The following DYNC1I1 variants were observed in gnomAD, a reference collection of about 807,000 sequenced individuals.
DYNC1I1 encodes the protein cytoplasmic dynein 1 intermediate chain 1.
In DYNC1I1, 43 loss-of-function variants were observed where a neutral mutation model predicts 86.6. The ratio of observed to expected loss-of-function variants is 0.50; its 90% confidence interval spans 0.39 to 0.64. The LOEUF is 0.64. DYNC1I1 is among the 30% of genes least tolerant of loss of function. The probability of loss-of-function intolerance (pLI) is 0.00; values close to 1 mark genes in which losing one functional copy is unlikely to be tolerated. For synonymous variants in DYNC1I1, 262 were observed against 283.7 expected (o/e 0.92, Z 0.77); for missense variants, 604 against 788.8 (o/e 0.77, Z 2.81).
At chr7:95,971,681 T>G (rs1431569108) in intron 6 of DYNC1I1, among the ~76,000 whole-genome samples, 1 of 152,192 alleles carries the variant, frequency 6.6e-6, no homozygotes, top group Non-Finnish European at 1.5e-5. Context: ...CATTCACAAT[T>G]TTCACATTAA....
chr7:95,814,070 C>T (rs1284116829), intron 4 of DYNC1I1, among the ~76,000 whole-genome samples: 2 of 152,120 alleles, frequency 1.3e-5, no homozygotes, highest in Admixed American at 1.3e-4. Flanking sequence ...CACCAGTGTT[C>T]CCACATGCCG....
intron 2 of DYNC1I1, among the ~76,000 whole-genome samples, chr7:95,806,388 T>G (rs548996992): frequency 6.6e-6 from 1 of 152,204 alleles, no homozygotes; most frequent in African/African-American, 2.4e-5. Flanking sequence ...CAAACTAGAC[T>G]GATGGAAGCA....
intron 14 of DYNC1I1, among the ~76,000 whole-genome samples, chr7:96,052,602 G>A (rs1350803451): frequency 6.6e-6 from 1 of 152,186 alleles, no homozygotes; most frequent in East Asian, 1.9e-4. Flanking sequence ...GAATATTAAA[G>A]ATGTAGCAAT....
rs1789840922 is a variant in DYNC1I1 at position 96,063,138 on chromosome 7, TGTG to T, written c.1510-12918_1510-12916del. ...GTGTGTGTGTGTGTGTGTGTATGTG[TGTG>T]TTTTCTTTCATTACAGGCAGCCTGC... On this transcript the variant is annotated intron_variant, in intron 14 of 16. Coordinates refer to ENST00000447467, the MANE Select transcript of DYNC1I1 (RefSeq NM_001135556.2). Among the ~76,000 whole-genome samples the T allele has an allele frequency of 2.0e-5, 3 of 151,520 alleles. No individual in the cohort carries two copies. The South Asian group carries it at 6.2e-4, about 32-fold the overall frequency.
chr7:95,897,688 G>C (rs1790921183), intron 6 of DYNC1I1, among the ~76,000 whole-genome samples: 1 of 151,172 alleles, frequency 6.6e-6, no homozygotes, highest in African/African-American at 2.4e-5. Flanking sequence ...CAGTATATTT[G>C]TATGTGCTCA....
intron 6 of DYNC1I1, among the ~76,000 whole-genome samples, chr7:95,969,461 G>C (rs577636556): frequency 6.6e-6 from 1 of 152,208 alleles, no homozygotes; most frequent in South Asian, 2.1e-4. Flanking sequence ...TGGAAACACC[G>C]ATCAGTCAAG....
intron 6 of DYNC1I1, among the ~76,000 whole-genome samples, chr7:95,907,303 A>C (rs544172019): frequency 2.0e-5 from 3 of 152,180 alleles, no homozygotes; most frequent in Admixed American, 6.6e-5. Flanking sequence ...AAAATGAGTT[A>C]AGGTCACACA....
intron 4 of DYNC1I1, among the ~76,000 whole-genome samples, chr7:95,818,278 T>C (rs571617473): frequency 2.4e-3 from 363 of 151,716 alleles, no homozygotes; most frequent in Admixed American, 3.9e-3. Flanking sequence ...TCAAGACATT[T>C]AAGCCCTCCT....
intron 6 of DYNC1I1, among the ~76,000 whole-genome samples, chr7:95,921,101 T>C (rs1791599141): frequency 6.6e-6 from 1 of 152,216 alleles, no homozygotes; most frequent in African/African-American, 2.4e-5. Flanking sequence ...AAGATTGTTA[T>C]AGTCTTTATC....
At chr7:95,963,752 A>G (rs1792934147) in intron 6 of DYNC1I1, among the ~76,000 whole-genome samples, 1 of 152,120 alleles carries the variant, frequency 6.6e-6, no homozygotes, top group Admixed American at 6.6e-5. Flanking sequence ...TTTATTCTCT[A>G]GAGATTCAGA....
chr7:95,941,340 A>G (rs1041147720), intron 6 of DYNC1I1, among the ~76,000 whole-genome samples: 16 of 151,952 alleles, frequency 1.1e-4, no homozygotes, highest in African/African-American at 4.8e-5. Flanking sequence ...GCTGTCAGAC[A>G]GGGACATTTA....
At chr7:95,893,702 C>G (rs1185451614) in intron 6 of DYNC1I1, among the ~76,000 whole-genome samples, 1 of 152,088 alleles carries the variant, frequency 6.6e-6, no homozygotes, top group Non-Finnish European at 1.5e-5. Context: ...ACCTAGAGAT[C>G]TAGGAAATAC....
At chr7:95,971,641 A>T (rs560575182) in intron 6 of DYNC1I1, among the ~76,000 whole-genome samples, 4 of 152,146 alleles carry the variant, frequency 2.6e-5, no homozygotes, top group East Asian at 3.9e-4. Flanking sequence ...TATTCATTTC[A>T]TAAGCCACAA....
At chr7:95,976,009 A>T (rs550173119) in intron 6 of DYNC1I1, among the ~76,000 whole-genome samples, 1 of 152,192 alleles carries the variant, frequency 6.6e-6, no homozygotes, top group African/African-American at 2.4e-5. Context: ...TCACATACGG[A>T]TAAGGACATA....
intron 14 of DYNC1I1, among the ~76,000 whole-genome samples, chr7:96,063,103 A>ATGTGTG (rs1334285815): frequency 2.2e-5 from 3 of 138,798 alleles, no homozygotes; most frequent in African/African-American, 8.9e-5. Flanking sequence ...GTGTGTGTAT[A>ATGTGTG]TATATGTGTG....
chr7:95,871,115 G>T (rs1170909517), intron 6 of DYNC1I1, among the ~76,000 whole-genome samples: 1 of 152,102 alleles, frequency 6.6e-6, no homozygotes, highest in Admixed American at 6.5e-5. Context: ...AATAAATAAC[G>T]CCAAAAGCAA....
chr7:95,969,604 C>A (rs151129174), intron 6 of DYNC1I1, among the ~76,000 whole-genome samples: 1 of 152,296 alleles, frequency 6.6e-6, no homozygotes, highest in African/African-American at 2.4e-5. Context: ...CAACTCAATT[C>A]AATACATATT....
At chr7:95,788,845 A>G (rs1026581807) in intron 1 of DYNC1I1, among the ~76,000 whole-genome samples, 1 of 152,208 alleles carries the variant, frequency 6.6e-6, no homozygotes, top group Non-Finnish European at 1.5e-5. Flanking sequence ...GCAACCTGAC[A>G]GGTAGAAAAG....
At chr7:95,993,875 A>G (rs929817709) in intron 9 of DYNC1I1, among the ~76,000 whole-genome samples, 3 of 152,200 alleles carry the variant, frequency 2.0e-5, no homozygotes, top group Non-Finnish European at 4.4e-5. Flanking sequence ...ATAAGAAGAG[A>G]GTGATACGGT....
Sources: gnomAD v4.1 joint callset for allele counts (sites outside exome capture counted in the v4.1 genomes callset) on GRCh38, gnomAD v4.1.1 for gene constraint, MANE v1.5 for transcripts, NCBI Gene and HGNC (gene_info 2026-07-23, HGNC 2026-07-21) for gene names.